Variants in SNIP1 observed in about 807,000 individuals in gnomAD.
SNIP1 encodes the protein smad nuclear-interacting protein 1.
SNIP1 carries 23 observed loss-of-function variants against 37.4 expected under a neutral mutation model. The observed-to-expected ratio is 0.61, with a 90% CI of 0.44 to 0.87. SNIP1 has a LOEUF of 0.87. Among genes scored for constraint, SNIP1 ranks in the 40% least tolerant of loss-of-function variants. The pLI is 0.00. For missense variants in SNIP1, 459 were observed against 540.4 expected (o/e 0.85, Z 1.49); for synonymous variants, 174 against 200.0 (o/e 0.87, Z 1.10).
rs1170708772 is a variant in SNIP1, at chr1:37,537,588, A to G, written c.*160T>C. 2.6e-6 allele frequency: 2 copies of G among 767,248 alleles called. No homozygotes were observed. The highest frequency in any genetic ancestry group is 4.2e-6 in the Non-Finnish European group (2 of 478,020). The allele number at this position is 767,248 out of a possible 1,614,324, so 47.5% of individuals were successfully genotyped here. A position where few individuals can be genotyped will look rare whatever the true frequency, so the allele number is the denominator to read the frequency against. On this transcript the variant is annotated 3_prime_UTR_variant, in exon 4 of 4. Transcript: ENST00000296215. ...AACAAACATTAGTCAGTGTATTCAAATGGTAACACAATCTGGTCAGCAACA... is the reference window on the plus strand; with the variant it reads ...AACAAACATTAGTCAGTGTATTCAAGTGGTAACACAATCTGGTCAGCAACA...
intron 2 of SNIP1, chr1:37,544,816 C>A: frequency 1.3e-6 from 1 of 759,498 alleles, no homozygotes; most frequent in Admixed American, 1.7e-5. Flanking sequence ...CCATCAACCG[C>A]CAGATCAACG....
At position 37,546,591 on chromosome 1, in the gene SNIP1, T is replaced by C. The variant is rs147642925; in HGVS notation, c.328-5836A>G. On this transcript the variant is annotated intron_variant, in intron 2 of 3. Transcript: ENST00000296215. The stretch of plus-strand genomic sequence containing the variant: ...TGGGAGGCTGGGGCAGAAGAATCAC[T>C]TGAACGCCAGAAGTGGAGGTTGCAG... Among the ~76,000 whole-genome samples the C allele has an allele frequency of 2.1e-3, 326 of 152,142 alleles. 3 individuals are homozygous for C. Among genetic ancestry groups the C allele is most frequent in the African/African-American group, 7.5e-3 (313 of 41,498 alleles).
At chr1:37,547,482 C>T (rs1043780376) in intron 2 of SNIP1, among the ~76,000 whole-genome samples, 13 of 151,902 alleles carry the variant, frequency 8.6e-5, no homozygotes, top group African/African-American at 2.9e-4. Flanking sequence ...ATCTGTAATC[C>T]CAGCACTTTG....
At chr1:37,552,554 GCA>G (rs1643312612) in intron 2 of SNIP1, 89 bp downstream of exon 2, 2 of 1,095,766 alleles carry the variant, frequency 1.8e-6, no homozygotes, top group East Asian at 2.4e-5. Flanking sequence ...GCACATGTGT[GCA>G]CACACACAAC....
chr1:37,548,813 C>T (rs965464916), intron 2 of SNIP1: 1 of 151,676 alleles, frequency 6.6e-6, no homozygotes, highest in African/African-American at 2.4e-5. Flanking sequence ...AGTGTCTGCT[C>T]TCATTACTCT....
rs922451832 is a variant in SNIP1 at position 37,536,766 on chromosome 1, T to C, written c.*982A>G. 7.9e-5 allele frequency: 12 copies of C among 152,232 alleles called. No homozygotes were observed. Among genetic ancestry groups the C allele is most frequent in the African/African-American group, 2.9e-4 (12 of 41,460 alleles). The allele number at this position is 152,232 out of a possible 1,614,324, so 9.4% of individuals were successfully genotyped here. ...AAACTAGGACACTGGGAAATTCCCC[T>C]GCTTTCCAACCTTGGGAAGGTAAAT... On this transcript the variant is annotated 3_prime_UTR_variant, in exon 4 of 4. Coordinates refer to ENST00000296215, the MANE Select transcript of SNIP1 (RefSeq NM_024700.4).
Position 37,537,819 on chromosome 1 carries a change from A to C in SNIP1, c.1120T>G (p.Ser374Ala), listed in dbSNP as rs781109084. 6.2e-7 allele frequency: 1 copy of C among 1,614,190 alleles called. No individual in the cohort carries two copies. Among genetic ancestry groups the C allele is most frequent in the South Asian group, 1.1e-5 (1 of 91,076 alleles). The stretch of plus-strand genomic sequence containing the variant: ...TTCCTGTCTATTTCAGAAGTGTCCG[A>C]CGACTCATGGAGCAAGACGTATTCT... ...SREYVLLHES[S>A]DTSEIDRKDD... The change falls in exon 4 of 4, where the codon TCG (serine) becomes GCG (alanine). Residue 374 changes from serine to alanine, a missense_variant. Coordinates refer to ENST00000296215, the MANE Select transcript of SNIP1 (RefSeq NM_024700.4).
At chr1:37,539,775 G>A (rs1387242370) in intron 3 of SNIP1, among the ~76,000 whole-genome samples, 1 of 152,172 alleles carries the variant, frequency 6.6e-6, no homozygotes, top group East Asian at 1.9e-4. Context: ...GATGTCCCAT[G>A]CAAGCTATCA....
At chr1:37,548,145 T>G (rs1231529772) in intron 2 of SNIP1, among the ~76,000 whole-genome samples, 5 of 79,620 alleles carry the variant, frequency 6.3e-5, no homozygotes, top group Non-Finnish European at 1.1e-4. Flanking sequence ...GCAGCGAGAC[T>G]CCATATCAAA....
chr1:37,549,026 T>C (rs1643273144), intron 2 of SNIP1: 1 of 151,804 alleles, frequency 6.6e-6, no homozygotes, highest in Admixed American at 6.6e-5. Context: ...TGCATTCAGA[T>C]TGTAAAGGAA....
In SNIP1 at chr1:37,540,958, AT is replaced by A. The variant is rs1643168102; in HGVS notation, c.328-204del. On this transcript the variant is annotated intron_variant, in intron 2 of 3. Coordinates refer to ENST00000296215, the MANE Select transcript of SNIP1 (RefSeq NM_024700.4). This position sits in a 1 kb window ranked among gnomAD's most constrained non-coding sequence, Gnocchi z 5.6. ...CACAAAGATGATATCCCATGCTGCT[AT>A]TCAACTATAGCCCTAATAGCACAAG... 1 of 537,078 alleles carries A rather than the reference AT, an allele frequency of 1.9e-6. No homozygotes were observed. The highest frequency in any genetic ancestry group is 3.0e-5 in the South Asian group (1 of 33,278). The allele number at this position is 537,078 out of a possible 1,614,324, so 33.3% of individuals were successfully genotyped here.
rs182123564 is a variant in SNIP1, at chr1:37,548,131, C to A, written c.327+4514G>T. Among the ~76,000 whole-genome samples the A allele has an allele frequency of 5.1e-3, 579 of 113,836 alleles. 3 individuals carry two copies. The highest frequency in any genetic ancestry group is 0.017 in the Admixed American group (140 of 8,296). 74.7% of individuals were successfully genotyped at this position (113,836 alleles called of 152,430 possible). A position where few individuals can be genotyped will look rare whatever the true frequency, so the allele number is the denominator to read the frequency against. On this transcript the variant is annotated intron_variant, in intron 2 of 3. Coordinates refer to ENST00000296215, the MANE Select transcript of SNIP1 (RefSeq NM_024700.4). ...TCGCACCACTGCACTCCAGCCTGGG[C>A]AACGCAGCGAGACTCCATATCAAAA...
At chr1:37,545,357 T>C (rs1643220833) in intron 2 of SNIP1, 2 of 538,284 alleles carry the variant, frequency 3.7e-6, no homozygotes, top group Admixed American at 4.3e-5. Flanking sequence ...ACCAAGGCAG[T>C]GCATGCATGT....
At chr1:37,547,773 G>A (rs565623702) in intron 2 of SNIP1, among the ~76,000 whole-genome samples, 1 of 151,766 alleles carries the variant, frequency 6.6e-6, no homozygotes, top group South Asian at 2.1e-4. Flanking sequence ...ACAAAATGGT[G>A]GTTCAGAGGT....
At chr1:37,544,950 A>G in intron 2 of SNIP1, 1 of 832,352 alleles carries the variant, frequency 1.2e-6, no homozygotes, top group South Asian at 1.3e-5. Flanking sequence ...GAACATGCCA[A>G]GAAACTGATG....
rs61755314 is a variant in SNIP1 at position 37,537,821 on chromosome 1, G to A, written c.1118C>T (p.Ser373Leu). 294 of 1,614,122 alleles carry A rather than the reference G, an allele frequency of 1.8e-4. No homozygotes were observed. The highest frequency in any genetic ancestry group is 2.3e-4 in the Non-Finnish European group (274 of 1,180,020). Residue 373 changes from serine (S) to leucine (L), a missense_variant, in exon 4 of 4, where the codon TCG becomes TTG. Physicochemically the swap from Ser to Leu is moderately radical, Grantham distance 145. Transcript: ENST00000296215. Reference sequence around the variant, plus strand: ...CCTGTCTATTTCAGAAGTGTCCGACGACTCATGGAGCAAGACGTATTCTCT... The same window carrying A: ...CCTGTCTATTTCAGAAGTGTCCGACAACTCATGGAGCAAGACGTATTCTCT... ...SSREYVLLHE[S>L]SDTSEIDRKD... is the part of the protein sequence containing the mutation.
At chr1:37,545,430 A>T in intron 2 of SNIP1, 2 of 349,184 alleles carry the variant, frequency 5.7e-6, no homozygotes, top group Non-Finnish European at 1.1e-5. Context: ...GATTTGTACC[A>T]TTCCTTCAAA....
intron 3 of SNIP1, among the ~76,000 whole-genome samples, chr1:37,538,426 G>A (rs755940920): frequency 1.9e-4 from 29 of 149,172 alleles, no homozygotes; most frequent in African/African-American, 3.4e-4. Flanking sequence ...CGAGAATGGC[G>A]TGAACCCAGG....
intron 2 of SNIP1, among the ~76,000 whole-genome samples, chr1:37,546,145 A>ACCCCCCCCCC (rs34099617): frequency 1.4e-4 from 17 of 124,924 alleles, no homozygotes; most frequent in African/African-American, 3.8e-4. Context: ...TGGGACTAAG[A>ACCCCCCCCCC]CCCCCCCCCC....
Sources: gnomAD v4.1 joint callset for allele counts (sites outside exome capture counted in the v4.1 genomes callset) on GRCh38, gnomAD v4.1.1 for gene constraint, Gnocchi (gnomAD v3.1) non-coding constraint, MANE v1.5 for transcripts, NCBI Gene and HGNC (gene_info 2026-07-23, HGNC 2026-07-21) for gene names.